COG3: variants seen among roughly 807,000 people sequenced by gnomAD.
The protein encoded by COG3 is component of oligomeric golgi complex 3, also known as conserved oligomeric Golgi complex subunit 3.
A neutral mutation model predicts 114.1 loss-of-function variants in COG3; 32 were observed. The observed-to-expected ratio is 0.28, with a 90% CI of 0.21 to 0.38. COG3 has a LOEUF of 0.38. Ranked by LOEUF, COG3 falls within the 10% of genes least tolerant of loss-of-function variation. The pLI is 1.00. For missense variants in COG3, 813 were observed against 973.2 expected (o/e 0.84, Z 2.19); for synonymous variants, 352 against 365.7 (o/e 0.96, Z 0.43).
chr13:45,523,809 G>A (rs530219099), intron 19 of COG3, among the ~76,000 whole-genome samples: 10 of 152,226 alleles, frequency 6.6e-5, no homozygotes, highest in Admixed American at 2.0e-4. Flanking sequence ...TCCCAGATTT[G>A]TAAATGTATA....
chr13:45,516,836 G>A (rs941563471), intron 17 of COG3, among the ~76,000 whole-genome samples: 3 of 152,110 alleles, frequency 2.0e-5, no homozygotes, highest in Non-Finnish European at 2.9e-5. Flanking sequence ...CATTAAGACC[G>A]AAAAGGAATG....
At chr13:45,520,322 G>GAGAAAGAA (rs10675289) in intron 19 of COG3, among the ~76,000 whole-genome samples, 4 of 149,076 alleles carry the variant, frequency 2.7e-5, no homozygotes, top group African/African-American at 1.0e-4. Flanking sequence ...AATAAAAAAA[G>GAGAAAGAA]AGAAAGAAAG....
At chr13:45,468,457 G>T (rs1479731606) in intron 1 of COG3, among the ~76,000 whole-genome samples, 1 of 152,188 alleles carries the variant, frequency 6.6e-6, no homozygotes, top group Non-Finnish European at 1.5e-5. Context: ...GTAAGAAAAG[G>T]AGAGGTTAAG....
chr13:45,489,815 A>G (rs1056268067), intron 8 of COG3, among the ~76,000 whole-genome samples: 3 of 72,494 alleles, frequency 4.1e-5, no homozygotes, highest in African/African-American at 8.4e-5. Flanking sequence ...AAAAATTCCA[A>G]TGGATTTTTT....
chr13:45,469,154 T>C (rs1484692293), intron 1 of COG3, among the ~76,000 whole-genome samples: 1 of 152,220 alleles, frequency 6.6e-6, no homozygotes, highest in Admixed American at 6.5e-5. Flanking sequence ...TTAAAGTTCT[T>C]ATGATTGAAA....
chr13:45,483,248 C>T lies in COG3; in HGVS notation c.736C>T (p.Pro246Ser). 1 of 1,581,844 alleles carries T rather than the reference C, an allele frequency of 6.3e-7. No homozygotes were observed. Among genetic ancestry groups the T allele is most frequent in the Non-Finnish European group, 8.7e-7 (1 of 1,152,256 alleles). The change falls in exon 7 of 23, where the codon CCC becomes TCC. Residue 246 changes from proline to serine, a missense_variant. By Grantham distance (74) the Pro-to-Ser change is moderately conservative (BLOSUM62 -1). Coordinates refer to ENST00000349995, the MANE Select transcript of COG3 (RefSeq NM_031431.4). ...ISSHPNFKDY[P>S]IYLLKFKQCL... ...CTTACAGCCTAATTTTAAAGATTATCCCATATATTTGCTGAAGTTTAAACA... is the reference window on the plus strand; with the variant it reads ...CTTACAGCCTAATTTTAAAGATTATTCCATATATTTGCTGAAGTTTAAACA...
At chr13:45,510,093 C>T (rs746632098) in intron 15 of COG3, among the ~76,000 whole-genome samples, 5 of 152,050 alleles carry the variant, frequency 3.3e-5, no homozygotes, top group Non-Finnish European at 7.4e-5. Context: ...GAAGAGAAGA[C>T]CCTGACTGCA....
chr13:45,482,601 A>T, intron 6 of COG3, 128 bp downstream of exon 6: 2 of 500,122 alleles, frequency 4.0e-6, no homozygotes, highest in Non-Finnish European at 7.0e-6. Context: ...TTGTGCTGTA[A>T]AGTGATTATT....
intron 15 of COG3, among the ~76,000 whole-genome samples, 182 bp downstream of exon 15, chr13:45,509,998 T>C (rs1870681990): frequency 6.6e-6 from 1 of 152,220 alleles, no homozygotes; most frequent in Non-Finnish European, 1.5e-5. Context: ...TAGAAACTTA[T>C]AATTCAGTAA....
At chr13:45,500,399 A>G (rs1226944091) in intron 13 of COG3, among the ~76,000 whole-genome samples, 11 of 152,174 alleles carry the variant, frequency 7.2e-5, no homozygotes, top group Admixed American at 7.2e-4. Flanking sequence ...TTCTAAGTGT[A>G]TCCTGTATTC....
chr13:45,477,251 G>A (rs1257023473), intron 2 of COG3, among the ~76,000 whole-genome samples: 1 of 152,094 alleles, frequency 6.6e-6, no homozygotes, highest in Admixed American at 6.5e-5. Flanking sequence ...AATCTTACTT[G>A]AGATTCAGTG....
intron 15 of COG3, among the ~76,000 whole-genome samples, chr13:45,510,204 C>A (rs151279878): frequency 1.5e-3 from 236 of 152,330 alleles, no homozygotes; most frequent in African/African-American, 5.3e-3. Context: ...TACCCTTACA[C>A]CGCAGAGATA....
intron 1 of COG3, among the ~76,000 whole-genome samples, chr13:45,474,680 AAAG>A (rs1885747974): frequency 6.6e-6 from 1 of 152,198 alleles, no homozygotes; most frequent in Non-Finnish European, 1.5e-5. Context: ...CTCTATTTTT[AAAG>A]GACAGTGTTT....
At position 45,480,301 on chromosome 13, in the gene COG3, G is replaced by C. The variant is rs780719393; in HGVS notation, c.549+11G>C. ...CTCCTAAAAGAACAGGTAATTTGGA[G>C]TAAGAGAGAGGATCAGTCATTATAT... is the stretch of plus-strand genomic sequence containing the variant. On this transcript the variant is annotated intron_variant, in intron 4 of 22. Coordinates refer to ENST00000349995, the MANE Select transcript of COG3 (RefSeq NM_031431.4). 3 of 1,575,148 alleles carry C rather than the reference G, an allele frequency of 1.9e-6. No individual in the cohort carries two copies. The African/African-American group carries it at 4.1e-5, about 21-fold the overall frequency.
intron 5 of COG3, 99 bp from the exon 6 acceptor site, chr13:45,482,277 CATGTT>C (rs1426551337): frequency 1.8e-6 from 1 of 541,932 alleles, no homozygotes; most frequent in African/African-American, 2.0e-5. Flanking sequence ...ATTATAAAGA[CATGTT>C]ATGTCCTAAA....
chr13:45,492,548 T>C (rs1455367573), intron 11 of COG3, among the ~76,000 whole-genome samples: 2 of 152,208 alleles, frequency 1.3e-5, no homozygotes, highest in African/African-American at 4.8e-5. Flanking sequence ...TTATCTCCAC[T>C]AAGTACAATA....
intron 1 of COG3, chr13:45,465,544 G>T (rs1885085889): frequency 4.1e-6 from 1 of 244,622 alleles, no homozygotes; most frequent in South Asian, 6.7e-5. Context: ...GTCAGCCGAG[G>T]CGTAATCCTG....
rs1246934031 is a variant in COG3, at chr13:45,503,306, T to A, written c.1551T>A (p.Asp517Glu). 21 of 1,607,334 alleles carry A rather than the reference T, an allele frequency of 1.3e-5. No homozygotes were observed. Among genetic ancestry groups the A allele is most frequent in the Non-Finnish European group, 1.7e-5 (20 of 1,174,110 alleles). Residue 517 changes from aspartate to glutamate, a missense_variant, in exon 14 of 23, where the codon GAT (aspartate) becomes GAA (glutamate). By Grantham distance (45) the Asp-to-Glu change is conservative. Coordinates refer to ENST00000349995, the MANE Select transcript of COG3 (RefSeq NM_031431.4). ...KKVPSEASFSDVHLEEGESNS... is the reference protein window; with the variant it reads ...KKVPSEASFSEVHLEEGESNS... ...TACCTTCAGAAGCTTCATTTTCAGA[T>A]GTTCACTTAGAAGAAGGAGAGTCTA...
Position 45,496,290 on chromosome 13 carries a change from C to T in COG3, c.1466C>T (p.Pro489Leu), listed in dbSNP as rs1464853057. 6.3e-7 allele frequency: 1 copy of T among 1,597,950 alleles called. No individual in the cohort carries two copies. ...CCAGCTCCTGGAGATCTGGCATATC[C>T]CGATAAGTTAGTCATGATGGAGGTA... Reference protein sequence around the residue: ...YKPAPGDLAYPDKLVMMEQIA... With the variant: ...YKPAPGDLAYLDKLVMMEQIA... The change falls in exon 13 of 23, where the codon CCC becomes CTC. Residue 489 changes from proline (P) to leucine (L), a missense_variant. Physicochemically the swap from Pro to Leu is moderately conservative, Grantham distance 98. This residue lies in a region of COG3 where 389 missense variants were observed against 542.6 expected (regional missense o/e 0.72). Transcript: ENST00000349995.
Sources: allele counts gnomAD v4.1 joint callset (sites outside exome capture counted in the v4.1 genomes callset), GRCh38; gene constraint gnomAD v4.1.1; regional missense constraint gnomAD v4.1.1; transcripts MANE v1.5; gene names NCBI Gene and HGNC (gene_info 2026-07-23, HGNC 2026-07-21).